EZR: variants seen among roughly 807,000 people sequenced by gnomAD.
EZR encodes ezrin.
A neutral mutation model predicts 74.8 loss-of-function variants in EZR; 40 were observed. The ratio of observed to expected loss-of-function variants is 0.53; its 90% CI spans 0.42 to 0.70. EZR has a LOEUF of 0.70. EZR is among the 30% of genes least tolerant of loss of function. EZR has a pLI of 0.00. For synonymous variants in EZR, 341 were observed against 283.3 expected (o/e 1.20, Z -2.05); for missense variants, 678 against 755.8 (o/e 0.90, Z 1.21).
At chr6:158,790,065 T>C (rs1290338759) in intron 2 of EZR, among the ~76,000 whole-genome samples, 2 of 152,206 alleles carry the variant, frequency 1.3e-5, no homozygotes, top group Admixed American at 6.5e-5. Context: ...GAAAGAGCTT[T>C]GAATCAGAAG....
At chr6:158,796,228 G>T (rs1777066875) in intron 2 of EZR, among the ~76,000 whole-genome samples, 1 of 152,208 alleles carries the variant, frequency 6.6e-6, no homozygotes, top group Admixed American at 6.5e-5. Context: ...TCCCAAGAAG[G>T]AAAGTACCCC....
chr6:158,783,370 G>A, intron 7 of EZR, 150 bp downstream of exon 7: 1 of 258,358 alleles, frequency 3.9e-6, no homozygotes, highest in Non-Finnish European at 7.7e-6. Context: ...GAGGGCCACA[G>A]CAGTCCAAAA....
intron 7 of EZR, among the ~76,000 whole-genome samples, chr6:158,780,543 T>C (rs1791408940): frequency 6.6e-6 from 1 of 152,080 alleles, no homozygotes; most frequent in African/African-American, 2.4e-5. Context: ...AGAAGAGACA[T>C]GTTCTGTGGC....
At position 158,766,372 on chromosome 6, in the gene EZR, T is replaced by C. The variant is rs1177703219; in HGVS notation, c.*542A>G. On this transcript the variant is annotated 3_prime_UTR_variant, in exon 14 of 14. Transcript: ENST00000367075. ...TCACGCTGGTGATCACTGTGCTCTCTGCCAGCTGCGTGGAGTGACGGGAGG... is the reference window on the plus strand; with the variant it reads ...TCACGCTGGTGATCACTGTGCTCTCCGCCAGCTGCGTGGAGTGACGGGAGG... 1.3e-5 allele frequency: 2 copies of C among 152,532 alleles called. No individual in the cohort carries two copies. The highest frequency in any genetic ancestry group is 2.9e-5 in the Non-Finnish European group (2 of 68,330). The allele number at this position is 152,532 out of a possible 1,614,324, so 9.4% of individuals were successfully genotyped here.
intron 7 of EZR, 31 bp downstream of exon 7, chr6:158,783,489 C>A: frequency 6.3e-7 from 1 of 1,595,950 alleles, no homozygotes; most frequent in Non-Finnish European, 8.6e-7. Flanking sequence ...ACCACCCTAC[C>A]TACTGAAGAT....
chr6:158,789,704 A>C (rs1485076883), intron 2 of EZR, among the ~76,000 whole-genome samples: 1 of 152,168 alleles, frequency 6.6e-6, no homozygotes, highest in African/African-American at 2.4e-5. Context: ...ACTAGTCATG[A>C]TCTCCCAGGC....
intron 2 of EZR, 29 bp downstream of exon 2, chr6:158,818,052 TC>T: frequency 6.2e-7 from 1 of 1,607,200 alleles, no homozygotes; most frequent in Non-Finnish European, 8.5e-7. Context: ...GCCTCTCCCG[TC>T]CGCCCGGCCC....
rs1791396632 is a variant in EZR, at chr6:158,780,208, A to G, written c.698+3312T>C. 4.0e-5 allele frequency among the ~76,000 whole-genome samples: 6 copies of G among 151,372 alleles called. No individual in the cohort carries two copies. The South Asian group carries it at 1.2e-3, about 31-fold the overall frequency. Reference sequence around the variant, plus strand: ...AAAAAAAAAAAAAAAACCAAGAATGATTAAAAAATGTAAATCCAAAATATG... The same window carrying G: ...AAAAAAAAAAAAAAAACCAAGAATGGTTAAAAAATGTAAATCCAAAATATG... On this transcript the variant is annotated intron_variant, in intron 7 of 13. Transcript: ENST00000367075.
intron 4 of EZR, 65 bp downstream of exon 4, chr6:158,787,043 T>C (rs1791600461): frequency 2.3e-6 from 3 of 1,318,366 alleles, no homozygotes; most frequent in African/African-American, 1.5e-5. Flanking sequence ...GTTGCTCCAG[T>C]TTCCTTATCG....
chr6:158,771,350 T>C lies in EZR; in HGVS notation c.853A>G (p.Met285Val). 1.2e-6 allele frequency: 2 copies of C among 1,614,032 alleles called. No homozygotes were observed. The highest frequency in any genetic ancestry group is 1.7e-6 in the Non-Finnish European group (2 of 1,179,930). ...CGCATATACAACTCATGGTTGCCCATGCAGAGCTGCAGGATCCGCTTGTTG... is the reference window on the plus strand; with the variant it reads ...CGCATATACAACTCATGGTTGCCCACGCAGAGCTGCAGGATCCGCTTGTTG... Reference protein sequence around the residue: ...RINKRILQLCMGNHELYMRRR... With the variant: ...RINKRILQLCVGNHELYMRRR... Residue 285 changes from methionine (M) to valine (V), a missense_variant, in exon 9 of 14, where the codon ATG becomes GTG. This residue lies in a region of EZR where 119 missense variants were observed against 182.3 expected (regional missense o/e 0.65). Coordinates refer to ENST00000367075, the MANE Select transcript of EZR (RefSeq NM_001111077.2).
At position 158,799,724 on chromosome 6, in the gene EZR, G is replaced by C. The variant is rs1049546888; in HGVS notation, c.13-10353C>G. 4.6e-5 allele frequency among the ~76,000 whole-genome samples: 7 copies of C among 152,372 alleles called. No individual in the cohort carries two copies. The East Asian group carries it at 7.7e-4, about 17-fold the overall frequency. ...GACTTAGCAAACCTCAACCAGCTTA[G>C]TGCAGAAATGCAGATACTCTAATTC... On this transcript the variant is annotated intron_variant, in intron 2 of 13. Transcript: ENST00000367075.
At chr6:158,794,369 C>T (rs932225342) in intron 2 of EZR, among the ~76,000 whole-genome samples, 1 of 152,126 alleles carries the variant, frequency 6.6e-6, no homozygotes, top group Non-Finnish European at 1.5e-5. Flanking sequence ...ATCTAAATCC[C>T]AACTTTCCAT....
At chr6:158,814,293 C>A (rs3123136) in intron 2 of EZR, among the ~76,000 whole-genome samples, 1 of 152,084 alleles carries the variant, frequency 6.6e-6, no homozygotes, top group African/African-American at 2.4e-5. Flanking sequence ...CCCCCCAGCC[C>A]TCAAGCAAGA....
intron 2 of EZR, among the ~76,000 whole-genome samples, chr6:158,814,809 G>A (rs1327129253): frequency 1.3e-5 from 2 of 152,128 alleles, no homozygotes; most frequent in African/African-American, 2.4e-5. Context: ...CCAAAGTGCT[G>A]GGATTACTGC....
intron 7 of EZR, among the ~76,000 whole-genome samples, chr6:158,781,786 C>T (rs1278627166): frequency 6.6e-6 from 1 of 151,586 alleles, no homozygotes; most frequent in Non-Finnish European, 1.5e-5. Context: ...TTTTTTGAGA[C>T]ACGGTCTCGC....
At chr6:158,819,004 C>T (rs754108132) in intron 1 of EZR, among the ~76,000 whole-genome samples, 2 of 152,176 alleles carry the variant, frequency 1.3e-5, no homozygotes, top group Admixed American at 1.3e-4. Context: ...GCTGCAGTCA[C>T]AACCGTCAAG....
chr6:158,789,473 A>G (rs1791676665), intron 2 of EZR, 102 bp from the exon 3 acceptor site: 2 of 1,022,004 alleles, frequency 2.0e-6, no homozygotes, highest in Non-Finnish European at 3.1e-6. Context: ...TGGCGACGGC[A>G]TATGCCTGAC....
chr6:158,769,742 CCT>C (rs1273614501), intron 11 of EZR, 40 bp downstream of exon 11: 2 of 1,606,986 alleles, frequency 1.2e-6, no homozygotes, highest in Middle Eastern at 1.7e-4. Context: ...TCAGAAGCAG[CCT>C]CTCTATAATT....
intron 2 of EZR, 171 bp from the exon 3 acceptor site, chr6:158,789,542 A>ATG (rs754535377): frequency 2.6e-6 from 2 of 757,320 alleles, no homozygotes; most frequent in South Asian, 1.4e-5. Context: ...ATGGCTGGGG[A>ATG]TGTCTCAGGA....
Sources: gnomAD v4.1 joint callset for allele counts (sites outside exome capture counted in the v4.1 genomes callset) on GRCh38, gnomAD v4.1.1 for gene constraint, gnomAD v4.1.1 regional missense constraint, MANE v1.5 for transcripts, NCBI Gene and HGNC (gene_info 2026-07-23, HGNC 2026-07-21) for gene names.